Variants in ZBTB20 observed in about 807,000 individuals in gnomAD.
ZBTB20 encodes the protein zinc finger and BTB domain-containing protein 20.
A neutral mutation model predicts 56.9 loss-of-function variants in ZBTB20; 9 were observed. The observed-to-expected ratio is 0.16, with a 90% confidence interval of 0.10 to 0.28. The LOEUF (loss-of-function observed/expected upper bound fraction) is 0.28, where lower values mean the gene tolerates loss of function less well. Ranked by LOEUF, ZBTB20 falls within the 10% of genes least tolerant of loss-of-function variation. ZBTB20 has a pLI of 1.00. For missense variants in ZBTB20, 655 were observed against 1,003.0 expected (o/e 0.65, Z 4.69); for synonymous variants, 417 against 420.7 (o/e 0.99, Z 0.11).
At chr3:114,842,876 G>C (rs2074445556) in intron 4 of ZBTB20, among the ~76,000 whole-genome samples, 4 of 152,132 alleles carry the variant, frequency 2.6e-5, no homozygotes, top group Admixed American at 2.6e-4. Context: ...GTACTGATAT[G>C]GTTTGGCTCT....
chr3:115,063,477 C>T (rs959524756), intron 2 of ZBTB20, among the ~76,000 whole-genome samples: 6 of 152,138 alleles, frequency 3.9e-5, no homozygotes, highest in Admixed American at 6.6e-5. Context: ...CTATTCCCAT[C>T]TTGAGGGCCC....
At chr3:114,583,916 C>T (rs955397960) in intron 6 of ZBTB20, among the ~76,000 whole-genome samples, 1 of 152,016 alleles carries the variant, frequency 6.6e-6, no homozygotes, top group African/African-American at 2.4e-5. Context: ...AGTTTTAGGC[C>T]GAGCTCTGCC....
intron 6 of ZBTB20, among the ~76,000 whole-genome samples, chr3:114,654,815 T>C (rs994566334): frequency 6.6e-6 from 1 of 152,186 alleles, no homozygotes; most frequent in Non-Finnish European, 1.5e-5. Flanking sequence ...TATTTCTCTC[T>C]AGTTTTCTGT....
At chr3:114,353,815 AGAT>A (rs2080934020) in intron 10 of ZBTB20, among the ~76,000 whole-genome samples, 2 of 152,358 alleles carry the variant, frequency 1.3e-5, no homozygotes, top group African/African-American at 4.8e-5. Context: ...CATGGGAAGT[AGAT>A]GATATTATTC....
At chr3:114,795,996 A>T (rs2071318111) in intron 5 of ZBTB20, among the ~76,000 whole-genome samples, 1 of 152,040 alleles carries the variant, frequency 6.6e-6, no homozygotes, top group Non-Finnish European at 1.5e-5. Flanking sequence ...TCTCAATAAA[A>T]GTGTAGATGA....
chr3:114,715,269 G>A (rs1208889724), intron 5 of ZBTB20, among the ~76,000 whole-genome samples: 1 of 151,986 alleles, frequency 6.6e-6, no homozygotes, highest in African/African-American at 2.4e-5. Context: ...GCACATTATC[G>A]TTTCTTTCCC....
In ZBTB20 at chr3:114,702,761, G is replaced by A. The variant is rs559468461; in HGVS notation, c.-342-9186C>T. ...ATTTTTCTAAAATCTTTGCTGAATC[G>A]TTTTATGTAGATATACTATAATACT... On this transcript the variant is annotated intron_variant, in intron 5 of 11. Transcript: ENST00000675478. Among the ~76,000 whole-genome samples the A allele has an allele frequency of 2.3e-4, 34 of 150,956 alleles. No individual in the cohort carries two copies. In the East Asian group the frequency reaches 5.1e-3, roughly 23 times the overall value.
chr3:114,558,921 T>C (rs2051630913), intron 6 of ZBTB20, among the ~76,000 whole-genome samples: 1 of 152,180 alleles, frequency 6.6e-6, no homozygotes, highest in Non-Finnish European at 1.5e-5. Flanking sequence ...GAAATGATTT[T>C]CCTTCACATC....
chr3:114,860,541 C>T (rs900519547), intron 4 of ZBTB20, among the ~76,000 whole-genome samples: 5 of 152,066 alleles, frequency 3.3e-5, no homozygotes, highest in African/African-American at 9.7e-5. Flanking sequence ...TTAGAGATTA[C>T]GTCATTACAA....
At chr3:114,949,625 G>T (rs1261030149) in intron 3 of ZBTB20, among the ~76,000 whole-genome samples, 1 of 145,180 alleles carries the variant, frequency 6.9e-6, no homozygotes, top group Non-Finnish European at 1.5e-5. Context: ...AAAATTAACT[G>T]GGCATGGTGG....
intron 4 of ZBTB20, among the ~76,000 whole-genome samples, chr3:114,889,704 T>C (rs527407437): frequency 4.2e-4 from 64 of 152,236 alleles, no homozygotes; most frequent in African/African-American, 1.5e-3. Context: ...AGAACTGTTA[T>C]TGAGGTGCAA....
At chr3:114,758,964 G>C (rs1158172571) in intron 5 of ZBTB20, 1 of 151,856 alleles carries the variant, frequency 6.6e-6, no homozygotes, top group Non-Finnish European at 1.5e-5. Context: ...GCATTTTTCT[G>C]TGTTTCTTTC....
chr3:114,898,112 T>C (rs923813961), intron 4 of ZBTB20, among the ~76,000 whole-genome samples: 7 of 152,150 alleles, frequency 4.6e-5, no homozygotes, highest in Non-Finnish European at 8.8e-5. Context: ...TTTTTTAATA[T>C]TCTGATCTTA....
In ZBTB20 at chr3:114,323,905, G is replaced by A. The variant is rs984587691; in HGVS notation, c.*15100C>T. 1.3e-5 allele frequency: 2 copies of A among 152,004 alleles called. No homozygotes were observed. The highest frequency in any genetic ancestry group is 2.9e-5 in the Non-Finnish European group (2 of 68,012). 9.4% of individuals were successfully genotyped at this position (152,004 alleles called of 1,614,324 possible). On this transcript the variant is annotated 3_prime_UTR_variant, in exon 12 of 12. Coordinates refer to ENST00000675478, the MANE Select transcript of ZBTB20 (RefSeq NM_001348800.3). ...CCCATACGTAACACACTCTCTCCCA[G>A]CACAAGTAAGTACATTTCAGTAGTG...
At chr3:115,128,509 C>T (rs2084400320) in intron 1 of ZBTB20, among the ~76,000 whole-genome samples, 1 of 151,694 alleles carries the variant, frequency 6.6e-6, no homozygotes, top group Admixed American at 6.6e-5. Context: ...ACTAAAAACA[C>T]AAAAATTAGC....
intron 6 of ZBTB20, among the ~76,000 whole-genome samples, chr3:114,577,739 T>C (rs1159523668): frequency 6.6e-6 from 1 of 152,184 alleles, no homozygotes; most frequent in Non-Finnish European, 1.5e-5. Context: ...ACAGCTTATA[T>C]AGGGCTGCAG....
intron 10 of ZBTB20, chr3:114,367,097 G>C (rs2082485777): frequency 6.6e-6 from 1 of 152,252 alleles, no homozygotes; most frequent in South Asian, 2.1e-4. Flanking sequence ...CTAAGGATCT[G>C]ATGTTTTGCC....
chr3:114,974,084 G>C (rs1017099883), intron 3 of ZBTB20, among the ~76,000 whole-genome samples: 2 of 149,564 alleles, frequency 1.3e-5, no homozygotes, highest in Non-Finnish European at 3.0e-5. Flanking sequence ...AAAAAAAGGA[G>C]GACAGAGGGA....
At chr3:115,040,565 C>T (rs1421198947) in intron 2 of ZBTB20, among the ~76,000 whole-genome samples, 1 of 151,924 alleles carries the variant, frequency 6.6e-6, no homozygotes, top group African/African-American at 2.4e-5. Context: ...GTGAAAAAGG[C>T]AAGAAATTTG....
Sources: gnomAD v4.1 joint callset for allele counts (sites outside exome capture counted in the v4.1 genomes callset) on GRCh38, gnomAD v4.1.1 for gene constraint, MANE v1.5 for transcripts, NCBI Gene and HGNC (gene_info 2026-07-23, HGNC 2026-07-21) for gene names.